The following PSMA8 variants were observed in gnomAD, a reference collection of about 807,000 sequenced individuals.
PSMA8 encodes the protein proteasome 20S subunit alpha 8.
PSMA8 carries 18 observed loss-of-function variants against 32.4 expected under a neutral mutation model. That is an observed-to-expected ratio of 0.56 (90% CI 0.38 to 0.82). PSMA8 has a LOEUF of 0.82. Ranked by LOEUF, PSMA8 falls within the 40% of genes least tolerant of loss-of-function variation. The pLI is 0.00. For synonymous variants in PSMA8, 104 were observed against 98.1 expected (o/e 1.06, Z -0.36); for missense variants, 298 against 300.7 (o/e 0.99, Z 0.07).
intron 2 of PSMA8, among the ~76,000 whole-genome samples, chr18:26,150,485 G>A (rs2055037188): frequency 6.6e-6 from 1 of 152,082 alleles, no homozygotes. Context: ...CTACAGGCAT[G>A]TGCCAGCATG....
At chr18:26,145,729 T>A (rs1350924151) in intron 2 of PSMA8, among the ~76,000 whole-genome samples, 2 of 152,234 alleles carry the variant, frequency 1.3e-5, no homozygotes, top group South Asian at 2.1e-4. Flanking sequence ...TTCCATGGAA[T>A]AAAGGCACCA....
At chr18:26,154,272 C>T (rs137857717) in intron 3 of PSMA8, among the ~76,000 whole-genome samples, 14 of 152,210 alleles carry the variant, frequency 9.2e-5, no homozygotes, top group African/African-American at 3.1e-4. Context: ...TAAGTTTTAA[C>T]TGATTAGCTT....
intron 6 of PSMA8, among the ~76,000 whole-genome samples, 166 bp downstream of exon 6, chr18:26,179,296 GTT>G (rs36120364): frequency 8.1e-4 from 112 of 139,030 alleles, no homozygotes; most frequent in African/African-American, 1.7e-3. Flanking sequence ...TGTTTTTTGT[GTT>G]TTTTTTTTTT....
In PSMA8 at chr18:26,144,579, T is replaced by C. The variant is rs759628742; in HGVS notation, c.123T>C (p.Asn41=). 5 of 1,613,362 alleles carry C rather than the reference T, an allele frequency of 3.1e-6. No individual in the cohort carries two copies. The highest frequency in any genetic ancestry group is 2.5e-6 in the Non-Finnish European group (3 of 1,179,396). The part of the protein sequence containing the change: ...GSTAVGIRGT[N]IVVLGVEKKS... ...GACAGGTCGGAATTCGAGGTACCAA[T>C]ATAGTTGTTCTTGGGGTAGAAAAAA... Residue 41 remains asparagine, a synonymous_variant, in exon 2 of 7, where the codon AAT becomes AAC. Coordinates refer to ENST00000415576, the MANE Select transcript of PSMA8 (RefSeq NM_001025096.2).
intron 6 of PSMA8, among the ~76,000 whole-genome samples, chr18:26,186,491 A>C (rs1402940926): frequency 2.0e-5 from 3 of 151,946 alleles, no homozygotes; most frequent in African/African-American, 7.3e-5. Context: ...TGATGCCTCT[A>C]CCCCTTATTC....
intron 1 of PSMA8, among the ~76,000 whole-genome samples, chr18:26,142,486 G>A (rs1356508841): frequency 6.6e-6 from 1 of 152,134 alleles, no homozygotes; most frequent in Non-Finnish European, 1.5e-5. Flanking sequence ...AGGAGCAATA[G>A]TCACCCTACT....
intron 6 of PSMA8, among the ~76,000 whole-genome samples, chr18:26,181,634 A>C (rs1474365484): frequency 6.6e-6 from 1 of 152,254 alleles, no homozygotes; most frequent in Non-Finnish European, 1.5e-5. Context: ...AGTACTTAAG[A>C]AAATTAAAAG....
intron 4 of PSMA8, among the ~76,000 whole-genome samples, chr18:26,166,917 G>A (rs998271195): frequency 7.2e-5 from 11 of 152,156 alleles, no homozygotes; most frequent in Non-Finnish European, 1.5e-4. Flanking sequence ...TAATAAGCAT[G>A]ATTATTTAAT....
At chr18:26,136,715 A>G (rs1046772566) in intron 1 of PSMA8, among the ~76,000 whole-genome samples, 2 of 152,220 alleles carry the variant, frequency 1.3e-5, no homozygotes, top group African/African-American at 4.8e-5. Context: ...TTTCAGGTAT[A>G]TTTAATAATC....
intron 1 of PSMA8, among the ~76,000 whole-genome samples, chr18:26,136,281 A>C (rs2057996497): frequency 6.6e-6 from 1 of 152,200 alleles, no homozygotes; most frequent in African/African-American, 2.4e-5. Flanking sequence ...AGGGAAAAGA[A>C]ATGAATCCTT....
intron 1 of PSMA8, among the ~76,000 whole-genome samples, chr18:26,143,569 G>T (rs9304492): frequency 0.056 from 8,544 of 152,228 alleles, 702 homozygotes; most frequent in African/African-American, 0.18. Context: ...TAGTGAGCTT[G>T]TCGTAGACCT....
chr18:26,152,531 C>A (rs2055055161), intron 3 of PSMA8, among the ~76,000 whole-genome samples: 1 of 151,942 alleles, frequency 6.6e-6, no homozygotes, highest in Admixed American at 6.6e-5. Flanking sequence ...TGCTATATTG[C>A]CCAGGTTGGT....
At chr18:26,179,158 T>C (rs758374723) in intron 6 of PSMA8, 28 bp downstream of exon 6, 6 of 1,553,354 alleles carry the variant, frequency 3.9e-6, no homozygotes, top group Middle Eastern at 2.2e-4. Context: ...GAGGAAAAAG[T>C]ATCTGTAGTA....
At chr18:26,181,039 T>A (rs931378156) in intron 6 of PSMA8, among the ~76,000 whole-genome samples, 1 of 152,214 alleles carries the variant, frequency 6.6e-6, no homozygotes, top group East Asian at 1.9e-4. Context: ...TTATAGTAAG[T>A]GCTCGTTAAA....
chr18:26,134,148 C>A, intron 1 of PSMA8, 81 bp downstream of exon 1: 1 of 973,590 alleles, frequency 1.0e-6, no homozygotes. Flanking sequence ...GCCCACCTTT[C>A]CATCCTAGGA....
At chr18:26,148,489 A>G (rs943497730) in intron 2 of PSMA8, among the ~76,000 whole-genome samples, 1 of 152,136 alleles carries the variant, frequency 6.6e-6, no homozygotes, top group Non-Finnish European at 1.5e-5. Flanking sequence ...GGCACCCAAC[A>G]AACTAGAAAT....
At chr18:26,143,170 GA>G (rs146243710) in intron 1 of PSMA8, among the ~76,000 whole-genome samples, 4 of 151,842 alleles carry the variant, frequency 2.6e-5, no homozygotes, top group East Asian at 1.9e-4. Flanking sequence ...ACATTGATGA[GA>G]AAAAAAATCG....
intron 4 of PSMA8, among the ~76,000 whole-genome samples, chr18:26,164,960 C>G (rs1256684083): frequency 6.6e-6 from 1 of 151,980 alleles, no homozygotes; most frequent in East Asian, 1.9e-4. Flanking sequence ...CTCTGTCACC[C>G]AGGCTGGAGT....
intron 6 of PSMA8, among the ~76,000 whole-genome samples, chr18:26,184,630 C>T (rs565708764): frequency 6.0e-5 from 9 of 149,176 alleles, no homozygotes; most frequent in East Asian, 4.0e-4. Context: ...AAAAATTAGC[C>T]GGGCATGGTG....
Sources: gnomAD v4.1 joint callset for allele counts (sites outside exome capture counted in the v4.1 genomes callset) on GRCh38, gnomAD v4.1.1 for gene constraint, MANE v1.5 for transcripts, NCBI Gene and HGNC (gene_info 2026-07-23, HGNC 2026-07-21) for gene names.